Variants in PARD3 observed in about 807,000 individuals in gnomAD.
PARD3 encodes partitioning defective 3 homolog.
A neutral mutation model predicts 155.4 loss-of-function variants in PARD3; 75 were observed. The ratio of observed to expected loss-of-function variants is 0.48; its 90% CI spans 0.40 to 0.58. The LOEUF is 0.58. Ranked by LOEUF, PARD3 falls within the 20% of genes least tolerant of loss-of-function variation. The pLI, the probability that PARD3 is intolerant of heterozygous loss-of-function variation, is 0.00. For synonymous variants in PARD3, 576 were observed against 610.5 expected (o/e 0.94, Z 0.83); for missense variants, 1,642 against 1,721.7 (o/e 0.95, Z 0.82).
At chr10:34,345,093 A>G (rs1309029334) in intron 15 of PARD3, 1 of 983,696 alleles carries the variant, frequency 1.0e-6, no homozygotes, top group Non-Finnish European at 1.2e-6. Context: ...CTAATAAAGA[A>G]TGAAGATCTC....
At chr10:34,290,528 T>G (rs1956627991) in intron 20 of PARD3, among the ~76,000 whole-genome samples, 1 of 152,148 alleles carries the variant, frequency 6.6e-6, no homozygotes, top group Non-Finnish European at 1.5e-5. Flanking sequence ...GAATCAAATA[T>G]GAGTTCAATG....
chr10:34,635,952 C>T (rs574141085), intron 2 of PARD3, among the ~76,000 whole-genome samples: 2 of 151,806 alleles, frequency 1.3e-5, no homozygotes, highest in African/African-American at 4.8e-5. Context: ...CACCTCCCAC[C>T]CCATATTCCC....
chr10:34,345,111 C>G (rs1369605309), intron 15 of PARD3: 1 of 983,850 alleles, frequency 1.0e-6, no homozygotes, highest in African/African-American at 1.8e-5. Flanking sequence ...CTCAGCATTC[C>G]CCAGAGAGGG....
At chr10:34,525,453 C>T (rs2082408169) in intron 2 of PARD3, among the ~76,000 whole-genome samples, 1 of 152,152 alleles carries the variant, frequency 6.6e-6, no homozygotes, top group Non-Finnish European at 1.5e-5. Flanking sequence ...AGGCTCTAGC[C>T]CCATGGTTTG....
At chr10:34,431,783 C>CCCATGCCTG (rs2075920115) in intron 5 of PARD3, among the ~76,000 whole-genome samples, 1 of 70,050 alleles carries the variant, frequency 1.4e-5, no homozygotes, top group Non-Finnish European at 4.1e-5. Flanking sequence ...GGTATGGTGG[C>CCCATGCCTG]TCATGCCTGT....
At chr10:34,571,510 G>A (rs1590060789) in intron 2 of PARD3, among the ~76,000 whole-genome samples, 2 of 152,172 alleles carry the variant, frequency 1.3e-5, no homozygotes, top group African/African-American at 2.4e-5. Context: ...CCTGTGAGGA[G>A]GATTAACCAT....
chr10:34,725,211 G>A (rs2094686407), intron 1 of PARD3, among the ~76,000 whole-genome samples: 3 of 151,536 alleles, frequency 2.0e-5, no homozygotes, highest in South Asian at 4.2e-4. Flanking sequence ...GGAGTGCAGT[G>A]GCGTGATCTC....
rs202074847 is a variant in PARD3, at chr10:34,776,826, G to GTTT, written c.120+38047_120+38049dup. On this transcript the variant is annotated intron_variant, in intron 1 of 24. Transcript: ENST00000374788. ...ACTATTTCCAAGTATTTTCAGTCGT[G>GTTT]TTTTTTTGTGGGGGGGGGGGGCGGG... Among the ~76,000 whole-genome samples, 70 of 45,814 alleles carry GTTT rather than the reference G, an allele frequency of 1.5e-3. 11 individuals carry two copies. The highest frequency in any genetic ancestry group is 7.1e-3 in the African/African-American group (69 of 9,768). The allele number at this position is 45,814 out of a possible 152,430, so 30.1% of individuals were successfully genotyped here.
intron 22 of PARD3, among the ~76,000 whole-genome samples, chr10:34,170,179 C>T (rs1949720245): frequency 6.6e-6 from 1 of 152,192 alleles, no homozygotes; most frequent in African/African-American, 2.4e-5. Flanking sequence ...CCTCCAGCTT[C>T]TGGGCTCAAG....
chr10:34,786,782 G>T (rs1466001711), intron 1 of PARD3, among the ~76,000 whole-genome samples: 1 of 152,102 alleles, frequency 6.6e-6, no homozygotes, highest in Admixed American at 6.5e-5. Context: ...TTTAAAAACT[G>T]AAAAATGAGT....
At chr10:34,229,881 T>C (rs1952828023) in intron 22 of PARD3, among the ~76,000 whole-genome samples, 1 of 152,142 alleles carries the variant, frequency 6.6e-6, no homozygotes, top group African/African-American at 2.4e-5. Context: ...TCATCCAATT[T>C]GTGCATTTTA....
Position 34,555,230 on chromosome 10 carries a change from G to C in PARD3, c.223-38071C>G, listed in dbSNP as rs2084894998. ...AGTTTGTGGGGGAAAGGGATATAAG[G>C]ACATTTCTGTACCTTGCACTCAATT... On this transcript the variant is annotated intron_variant, in intron 2 of 24. Transcript: ENST00000374788. Among the ~76,000 whole-genome samples the C allele has an allele frequency of 2.0e-5, 3 of 152,134 alleles. No individual in the cohort carries two copies. In the South Asian group the frequency reaches 6.2e-4, roughly 31 times the overall value.
chr10:34,263,481 A>T (rs1024325091), intron 22 of PARD3, among the ~76,000 whole-genome samples: 3 of 151,920 alleles, frequency 2.0e-5, no homozygotes, highest in African/African-American at 7.3e-5. Context: ...ACATAGTGAG[A>T]CCCCATCTGT....
At chr10:34,784,060 A>G (rs1037762195) in intron 1 of PARD3, among the ~76,000 whole-genome samples, 2 of 152,040 alleles carry the variant, frequency 1.3e-5, no homozygotes, top group African/African-American at 4.8e-5. Context: ...ACTTCTTAAA[A>G]ATTAGCCAGG....
At chr10:34,380,050 G>A (rs1453522229) in intron 9 of PARD3, among the ~76,000 whole-genome samples, 3 of 151,954 alleles carry the variant, frequency 2.0e-5, no homozygotes, top group African/African-American at 7.2e-5. Context: ...TGTTTTTAAT[G>A]TACTTCACTA....
chr10:34,162,030 C>T (rs923910417), intron 22 of PARD3, among the ~76,000 whole-genome samples: 4 of 152,172 alleles, frequency 2.6e-5, no homozygotes, highest in African/African-American at 9.7e-5. Context: ...AAATGCATGA[C>T]ATATATGTAC....
chr10:34,651,011 C>CCAAAAAA (rs1404556380), intron 2 of PARD3, among the ~76,000 whole-genome samples: 2 of 44,520 alleles, frequency 4.5e-5, no homozygotes, highest in Admixed American at 3.1e-4. Context: ...AACTCTGTCT[C>CCAAAAAA]AAAAAAAAAA....
At chr10:34,429,261 G>GTA (rs1011795626) in intron 5 of PARD3, among the ~76,000 whole-genome samples, 19 of 151,912 alleles carry the variant, frequency 1.3e-4, no homozygotes, top group East Asian at 1.2e-3. Context: ...ATATTTCATT[G>GTA]TATATATATA....
chr10:34,767,824 C>CG (rs992819719), intron 1 of PARD3, among the ~76,000 whole-genome samples: 1 of 151,714 alleles, frequency 6.6e-6, no homozygotes, highest in African/African-American at 2.4e-5. Flanking sequence ...GACATGGTGG[C>CG]GCACCCTTGT....
Sources: gnomAD v4.1 joint callset for allele counts (sites outside exome capture counted in the v4.1 genomes callset) on GRCh38, gnomAD v4.1.1 for gene constraint, MANE v1.5 for transcripts, NCBI Gene and HGNC (gene_info 2026-07-23, HGNC 2026-07-21) for gene names.